RNF213: variants seen among roughly 807,000 people sequenced by gnomAD.
The protein encoded by RNF213 is E3 ubiquitin-protein ligase RNF213.
In RNF213, 341 loss-of-function variants were observed where a neutral mutation model predicts 514.4. The ratio of observed to expected loss-of-function variants is 0.66; its 90% CI spans 0.61 to 0.73. The LOEUF (loss-of-function observed/expected upper bound fraction) is 0.73. Ranked by LOEUF, RNF213 falls within the 30% of genes least tolerant of loss-of-function variation. The pLI is 0.00. For synonymous variants in RNF213, 2,655 were observed against 2,658.2 expected, an observed-to-expected ratio of 1.00 and a Z score of 0.04; for missense variants, 5,767 against 6,615.6, an observed-to-expected ratio of 0.87 and a Z score of 4.45.
At chr17:80,287,727 TG>T in intron 3 of RNF213, 87 bp from the exon 4 acceptor site, 1 of 1,367,022 alleles carries the variant, frequency 7.3e-7, no homozygotes, top group Admixed American at 1.7e-5. Context: ...TTGATGTAGT[TG>T]AGGAACGGAA....
chr17:80,313,788 GTGA>G (rs200597493), intron 15 of RNF213, among the ~76,000 whole-genome samples: 5 of 143,532 alleles, frequency 3.5e-5, no homozygotes, highest in Admixed American at 6.8e-5. Flanking sequence ...GATGGTGGTG[GTGA>G]AGGTGATGGT....
chr17:80,360,306 T>C, intron 38 of RNF213, 100 bp downstream of exon 38: 1 of 1,365,712 alleles, frequency 7.3e-7, no homozygotes, highest in Non-Finnish European at 1.0e-6. Flanking sequence ...GCAAGGTGAA[T>C]TTTGGAGTTT....
chr17:80,262,777 T>C (rs1384775331), intron 1 of RNF213, among the ~76,000 whole-genome samples: 1 of 152,200 alleles, frequency 6.6e-6, no homozygotes, highest in Non-Finnish European at 1.5e-5. Context: ...CCGTCCCTCG[T>C]TCAGGCCCAG....
chr17:80,363,157 C>T lies in RNF213; in HGVS notation c.11411C>T (p.Ala3804Val), dbSNP rs141686664. 7.4e-6 allele frequency: 12 copies of T among 1,614,248 alleles called. No individual in the cohort carries two copies. The highest frequency in any genetic ancestry group is 1.7e-5 in the Admixed American group (1 of 60,030). The change falls in exon 40 of 68, where the codon GCG (alanine) becomes GTG (valine). Residue 3804 changes from alanine to valine, a missense_variant. By Grantham distance (64) the Ala-to-Val change is moderately conservative (BLOSUM62 0). Coordinates refer to ENST00000582970, the MANE Select transcript of RNF213 (RefSeq NM_001256071.3). ...CTRKLKAASE[A>V]PEEEVSLPWV... ...AGGAAACTGAAAGCGGCGTCAGAAG[C>T]GCCCGAGGAAGAGGTTTCCTTACCG...
Position 80,288,018 on chromosome 17 carries a change from C to A in RNF213, c.465C>A (p.Thr155=). 1 of 1,595,450 alleles carries A rather than the reference C, an allele frequency of 6.3e-7. No individual in the cohort carries two copies. The highest frequency in any genetic ancestry group is 8.5e-7 in the Non-Finnish European group (1 of 1,171,448). The change falls in exon 4 of 68, where the codon ACC becomes ACA. Residue 155 remains threonine (T), a synonymous_variant. Coordinates refer to ENST00000582970, the MANE Select transcript of RNF213 (RefSeq NM_001256071.3). This position sits in a 1 kb window ranked among gnomAD's most constrained non-coding sequence, Gnocchi z 4.9. ...CGAGCCAGCCCCCAGGCACAGCCACCACGCCACTGGAGGGTGACGGCCTCT... is the reference window on the plus strand; with the variant it reads ...CGAGCCAGCCCCCAGGCACAGCCACAACGCCACTGGAGGGTGACGGCCTCT... ...GQPSQPPGTA[T]TPLEGDGLSA...
intron 15 of RNF213, among the ~76,000 whole-genome samples, chr17:80,313,765 A>T (rs1264576368): frequency 7.3e-5 from 9 of 123,542 alleles, no homozygotes; most frequent in Middle Eastern, 5.1e-3. Flanking sequence ...GAGGTGGTGG[A>T]GGTACTGGAG....
intron 23 of RNF213, among the ~76,000 whole-genome samples, chr17:80,337,277 G>A (rs1056030364): frequency 2.6e-5 from 4 of 152,200 alleles, no homozygotes; most frequent in Non-Finnish European, 5.9e-5. Context: ...AGAGGCAGGC[G>A]GGCGGCTGCT....
At chr17:80,363,531 T>G (rs1219778065) in intron 40 of RNF213, 78 bp from the exon 41 acceptor site, 7 of 1,510,466 alleles carry the variant, frequency 4.6e-6, no homozygotes, top group Non-Finnish European at 6.4e-6. Context: ...CAAGTATACA[T>G]GCAGCTAACA....
intron 20 of RNF213, among the ~76,000 whole-genome samples, chr17:80,330,068 A>C (rs1470663485): frequency 6.6e-6 from 1 of 152,144 alleles, no homozygotes; most frequent in African/African-American, 2.4e-5. Flanking sequence ...ATTTATTCAG[A>C]ACCAAACTTT....
In RNF213 at chr17:80,325,125, C is replaced by G. The variant is rs756413268; in HGVS notation, c.3120C>G (p.Thr1040=). The G allele has an allele frequency of 3.1e-5, 47 of 1,536,824 alleles. No homozygotes were observed. The South Asian group carries it at 5.6e-4, about 18-fold the overall frequency. ...SAVITKSWPR[T]ADNFDDILKH... is the part of the protein sequence containing the mutation. ...TGATCACTAAGTCCTGGCCTAGGAC[C>G]GCGGACAACTTCGATGACATTTTAA... Residue 1040 remains threonine, a synonymous_variant, in exon 18 of 68, where the codon ACC becomes ACG. Coordinates refer to ENST00000582970, the MANE Select transcript of RNF213 (RefSeq NM_001256071.3).
rs2079061598 is a variant in RNF213 at position 80,361,721 on chromosome 17, T to C, written c.11201-13T>C. 1 of 1,612,352 alleles carries C rather than the reference T, an allele frequency of 6.2e-7. No individual in the cohort carries two copies. The highest frequency in any genetic ancestry group is 8.5e-7 in the Non-Finnish European group (1 of 1,179,188). ...GACGCACTCCAGGCCGCTCCTTGGT[T>C]TCCTCTCTGCAGGACTGCCCAAGAA... On this transcript the variant is annotated splice_polypyrimidine_tract_variant and intron_variant, in intron 38 of 67. Coordinates refer to ENST00000582970, the MANE Select transcript of RNF213 (RefSeq NM_001256071.3).
At position 80,374,401 on chromosome 17, in the gene RNF213, G is replaced by T. The variant is rs1018142133; in HGVS notation, c.12943-57G>T. On this transcript the variant is annotated intron_variant, in intron 49 of 67. Transcript: ENST00000582970. Reference sequence around the variant, plus strand: ...ACCTGGTTCCTGTACCCGTTCAGACGGTTCTTTGCAAGACATTCCTCCCAT... The same window carrying T: ...ACCTGGTTCCTGTACCCGTTCAGACTGTTCTTTGCAAGACATTCCTCCCAT... The T allele has an allele frequency of 3.1e-6, 5 of 1,610,724 alleles. No homozygotes were observed. In the Admixed American group the frequency reaches 5.0e-5, roughly 16 times the overall value.
Position 80,317,409 on chromosome 17 carries a change from T to C in RNF213, c.2901+132T>C. The C allele has an allele frequency of 1.2e-6, 1 of 802,624 alleles. No homozygotes were observed. The highest frequency in any genetic ancestry group is 2.6e-5 in the East Asian group (1 of 37,818). The allele number at this position is 802,624 out of a possible 1,614,324, so 49.7% of individuals were successfully genotyped here. On this transcript the variant is annotated intron_variant, in intron 16 of 67. Transcript: ENST00000582970. This position sits in a 1 kb window ranked among gnomAD's most constrained non-coding sequence, Gnocchi z 4.1. ...GGATGGGGTGAATCACAGCTCCGTG[T>C]TTCTGTTTCTGATCCAGCCCTTATA...
chr17:80,296,783 G>C (rs1363452656), intron 10 of RNF213, among the ~76,000 whole-genome samples: 1 of 152,104 alleles, frequency 6.6e-6, no homozygotes, highest in Non-Finnish European at 1.5e-5. Flanking sequence ...ACAGACTCAG[G>C]TGGTTCTCCC....
intron 67 of RNF213, 138 bp from the exon 68 acceptor site, chr17:80,393,207 C>T (rs1234119076): frequency 3.7e-6 from 3 of 808,142 alleles, no homozygotes; most frequent in Non-Finnish European, 6.3e-6. Context: ...TCTTGAACTC[C>T]TGACCTCCAC....
At position 80,346,732 on chromosome 17, in the gene RNF213, GA is replaced by G; in HGVS notation, c.8399del (p.Lys2800SerfsTer44). ...AAYSDLFRSL[K>X]QVHLVSFQCS... ...CCTACTCAGATCTCTTCCGCAGCCT[GA>G]AGCAGGTCCACCTGGTGTCCTTCCA... On this transcript the variant is annotated frameshift_variant, in exon 29 of 68. Coordinates refer to ENST00000582970, the MANE Select transcript of RNF213 (RefSeq NM_001256071.3). LOFTEE classifies it high-confidence loss of function. This position sits in a 1 kb window ranked among gnomAD's most constrained non-coding sequence, Gnocchi z 8.1. 6.2e-7 allele frequency: 1 copy of G among 1,612,464 alleles called. No individual in the cohort carries two copies. The highest frequency in any genetic ancestry group is 8.5e-7 in the Non-Finnish European group (1 of 1,179,910).
Position 80,283,565 on chromosome 17 carries a change from G to A in RNF213, c.262-4250G>A, listed in dbSNP as rs551460232. On this transcript the variant is annotated intron_variant, in intron 3 of 67. Coordinates refer to ENST00000582970, the MANE Select transcript of RNF213 (RefSeq NM_001256071.3). ...CCTCCCCGGGCTCTGCCCAACCTCC[G>A]TGTGCTGCTGCTGCTGTTTCTTCCT... Among the ~76,000 whole-genome samples the A allele has an allele frequency of 3.3e-3, 496 of 152,214 alleles. 5 individuals carry two copies. Among genetic ancestry groups the A allele is most frequent in the African/African-American group, 0.011 (467 of 41,454 alleles).
intron 8 of RNF213, among the ~76,000 whole-genome samples, 199 bp from the exon 9 acceptor site, chr17:80,294,521 G>C (rs1283125377): frequency 6.6e-6 from 1 of 152,168 alleles, no homozygotes; most frequent in Non-Finnish European, 1.5e-5. Context: ...CTGTTTGCAC[G>C]GGGCTGGCCT....
Position 80,373,249 on chromosome 17 carries a change from A to ACCT in RNF213, c.12942+86_12942+87insTCC, listed in dbSNP as rs2079593001. ...AACCCACACACCCCCCTACCCTCAC[A>ACCT]CCCTACCCCCCCCACACCCCACCCC... On this transcript the variant is annotated intron_variant, in intron 49 of 67. Transcript: ENST00000582970. 1.2e-5 allele frequency: 11 copies of ACCT among 933,792 alleles called. No homozygotes were observed. The Admixed American group carries it at 1.2e-4, about 10-fold the overall frequency. 57.8% of individuals were successfully genotyped at this position (933,792 alleles called of 1,614,324 possible). A position where few individuals can be genotyped will look rare whatever the true frequency, so the allele number is the denominator to read the frequency against.
Sources: allele counts gnomAD v4.1 joint callset (sites outside exome capture counted in the v4.1 genomes callset), GRCh38; gene constraint gnomAD v4.1.1; non-coding constraint Gnocchi (gnomAD v3.1); transcripts MANE v1.5; gene names NCBI Gene and HGNC (gene_info 2026-07-23, HGNC 2026-07-21).